FSIP2: variants seen among roughly 807,000 people sequenced by gnomAD.
FSIP2 encodes fibrous sheath interacting protein 2.
In FSIP2, 367 loss-of-function variants were observed where a neutral mutation model predicts 510.5. The observed-to-expected ratio is 0.72, with a 90% confidence interval of 0.66 to 0.78. The LOEUF (loss-of-function observed/expected upper bound fraction) is 0.78, where lower values mean the gene tolerates loss of function less well. Among genes scored for constraint, FSIP2 ranks in the 30% least tolerant of loss-of-function variants. FSIP2 has a pLI of 0.00. For missense variants in FSIP2, 7,594 were observed against 7,901.7 expected (o/e 0.96, Z 1.48); for synonymous variants, 2,601 against 2,732.2 (o/e 0.95, Z 1.50).
In FSIP2 at chr2:185,801,271, A is replaced by G. The variant is rs1232306047; in HGVS notation, c.11965A>G (p.Met3989Val). ...IISELFFNLSMSLWGKNKNIT... is the reference protein window; with the variant it reads ...IISELFFNLSVSLWGKNKNIT... ...TTCAGAATTGTTTTTTAATCTCTCT[A>G]TGTCATTGTGGGGCAAAAATAAAAA... The change falls in exon 17 of 23, where the codon ATG becomes GTG. Residue 3989 changes from methionine to valine, a missense_variant. Met to Val is a conservative substitution (Grantham distance 21). Coordinates refer to ENST00000424728, the MANE Select transcript of FSIP2 (RefSeq NM_173651.4). The G allele has an allele frequency of 6.5e-7, 1 of 1,533,734 alleles. No homozygotes were observed. Among genetic ancestry groups the G allele is most frequent in the Admixed American group, 2.0e-5 (1 of 50,818 alleles).
chr2:185,807,908 G>T lies in FSIP2; in HGVS notation c.18602G>T (p.Arg6201Ile). ...LSIFPKVHKE[R>I]TKSLETDMQK... ...ATATTTCCAAAAGTACATAAAGAAA[G>T]AACAAAATCTCTAGAGACTGATATG... The change falls in exon 17 of 23, where the codon AGA becomes ATA. Residue 6201 changes from arginine (R) to isoleucine (I), a missense_variant. Transcript: ENST00000424728. The T allele has an allele frequency of 6.2e-7, 1 of 1,601,474 alleles. No homozygotes were observed. Among genetic ancestry groups the T allele is most frequent in the East Asian group, 2.2e-5 (1 of 44,552 alleles).
Position 185,790,901 on chromosome 2 carries a change from T to C in FSIP2, c.3765T>C (p.Pro1255=). The change falls in exon 16 of 23, where the codon CCT becomes CCC. Residue 1255 remains proline, a synonymous_variant. Transcript: ENST00000424728. ...WLKSGKSEPK[P]VDDINDKIIR... ...AATCTGGAAAAAGTGAACCTAAACCTGTAGATGACATTAATGATAAGATCA... is the reference window on the plus strand; with the variant it reads ...AATCTGGAAAAAGTGAACCTAAACCCGTAGATGACATTAATGATAAGATCA... The C allele has an allele frequency of 4.6e-6, 7 of 1,529,544 alleles. No homozygotes were observed. The highest frequency in any genetic ancestry group is 2.4e-5 in the South Asian group (2 of 82,788). 94.7% of individuals were successfully genotyped at this position (1,529,544 alleles called of 1,614,324 possible).
At chr2:185,743,603 A>G (rs967538409) in intron 3 of FSIP2, among the ~76,000 whole-genome samples, 1 of 152,164 alleles carries the variant, frequency 6.6e-6, no homozygotes, top group Non-Finnish European at 1.5e-5. Flanking sequence ...CTCTGTCTTT[A>G]ATGGCACTGT....
chr2:185,781,360 G>A (rs1692845317), intron 13 of FSIP2, among the ~76,000 whole-genome samples: 1 of 152,146 alleles, frequency 6.6e-6, no homozygotes, highest in Non-Finnish European at 1.5e-5. Flanking sequence ...CAAATTTAAA[G>A]CATGCTAAGC....
chr2:185,815,437 T>G lies in FSIP2; in HGVS notation c.20392T>G (p.Ser6798Ala), dbSNP rs565004130. Residue 6798 changes from serine to alanine, a missense_variant, in exon 19 of 23, where the codon TCA (serine) becomes GCA (alanine). Ser to Ala is a moderately conservative substitution (Grantham distance 99). Transcript: ENST00000424728. ...YFIHRIMSSS[S>A]YNQEDLISST... ...CATACACAGAATTATGAGTTCATCT[T>G]CATACAACCAAGAAGATCTCATTTC... 3.3e-6 allele frequency: 5 copies of G among 1,505,100 alleles called. No individual in the cohort carries two copies. The East Asian group carries it at 1.2e-4, about 35-fold the overall frequency. 93.2% of individuals were successfully genotyped at this position (1,505,100 alleles called of 1,614,324 possible). A position where few individuals can be genotyped will look rare whatever the true frequency, so the allele number is the denominator to read the frequency against.
intron 10 of FSIP2, among the ~76,000 whole-genome samples, chr2:185,761,637 T>C (rs1240541060): frequency 1.3e-5 from 2 of 151,250 alleles, no homozygotes; most frequent in African/African-American, 2.4e-5. Context: ...ATGGATTACA[T>C]TGGATTTCTC....
rs1335451716 is a variant in FSIP2, at chr2:185,792,514, T to TAATC, written c.5386_5389dup (p.Leu1797SerfsTer11). 4 of 1,530,068 alleles carry TAATC rather than the reference T, an allele frequency of 2.6e-6. No homozygotes were observed. In the South Asian group the frequency reaches 4.8e-5, roughly 18 times the overall value. 94.8% of individuals were successfully genotyped at this position (1,530,068 alleles called of 1,614,324 possible). ...TTGAATGAAATTTTTCAAAGTACTT[T>TAATC]AATCAATCAATTAAATGTCCTTTCT... On this transcript the variant is annotated frameshift_variant, in exon 16 of 23. Transcript: ENST00000424728. LOFTEE classifies it high-confidence loss of function.
At chr2:185,810,057 G>A (rs1693692281) in intron 17 of FSIP2, among the ~76,000 whole-genome samples, 1 of 152,010 alleles carries the variant, frequency 6.6e-6, no homozygotes, top group African/African-American at 2.4e-5. Flanking sequence ...CGGACAATTA[G>A]CAAAGTTTTA....
intron 19 of FSIP2, among the ~76,000 whole-genome samples, chr2:185,821,007 G>GT (rs1693906161): frequency 6.2e-5 from 3 of 48,460 alleles, no homozygotes; most frequent in African/African-American, 2.4e-4. Context: ...GAGTTGGTTC[G>GT]TTAAAAAAAA....
At chr2:185,746,885 T>C in intron 6 of FSIP2, 75 bp downstream of exon 6, 2 of 1,036,286 alleles carry the variant, frequency 1.9e-6, no homozygotes, top group Non-Finnish European at 2.7e-6. Flanking sequence ...ATTTTAACTG[T>C]ACATTGTGCT....
intron 8 of FSIP2, among the ~76,000 whole-genome samples, chr2:185,754,514 A>G: frequency 6.6e-6 from 1 of 151,512 alleles, no homozygotes; most frequent in Non-Finnish European, 1.5e-5. Context: ...TCACTCCAGT[A>G]GATTACCAAC....
chr2:185,741,658 G>T (rs1034021271), intron 2 of FSIP2, among the ~76,000 whole-genome samples: 2 of 152,106 alleles, frequency 1.3e-5, no homozygotes, highest in African/African-American at 4.8e-5. Context: ...TCCCCTTTAC[G>T]AGTTCTTTCT....
Position 185,793,708 on chromosome 2 carries a change from A to T in FSIP2, c.6572A>T (p.Asp2191Val), listed in dbSNP as rs973605140. ...TSARLPLTFC[D>V]TFPKIDCQQP... Reference sequence around the variant, plus strand: ...GCAAGATTGCCCCTGACATTTTGTGATACGTTTCCAAAAATAGACTGTCAA... The same window carrying T: ...GCAAGATTGCCCCTGACATTTTGTGTTACGTTTCCAAAAATAGACTGTCAA... Residue 2191 changes from aspartate to valine, a missense_variant, in exon 16 of 23, where the codon GAT (aspartate) becomes GTT (valine). Transcript: ENST00000424728. 297 of 1,534,654 alleles carry T rather than the reference A, an allele frequency of 1.9e-4. 1 individual carries two copies. The highest frequency in any genetic ancestry group is 2.5e-4 in the Non-Finnish European group (282 of 1,145,890).
chr2:185,743,714 T>TA (rs1691970754), intron 3 of FSIP2, among the ~76,000 whole-genome samples: 1 of 152,196 alleles, frequency 6.6e-6, no homozygotes, highest in Non-Finnish European at 1.5e-5. Flanking sequence ...AGTATATTCT[T>TA]ATTGGAGTCG....
In FSIP2 at chr2:185,751,461, CTGTG is replaced by C. The variant is rs56395901; in HGVS notation, c.871-2226_871-2223del. Among the ~76,000 whole-genome samples the C allele has an allele frequency of 1.6e-3, 219 of 135,870 alleles. 2 individuals are homozygous for C. The highest frequency in any genetic ancestry group is 4.6e-3 in the African/African-American group (170 of 36,946). The allele number at this position is 135,870 out of a possible 152,430, so 89.1% of individuals were successfully genotyped here. Reference sequence around the variant, plus strand: ...AGACCAAATTTGGGTCTTTATTTTTCTGTGTGTGTGTGTGTGTGTGTGTGTGTGT... The same window carrying C: ...AGACCAAATTTGGGTCTTTATTTTTCTGTGTGTGTGTGTGTGTGTGTGTGT... On this transcript the variant is annotated intron_variant, in intron 7 of 22. Coordinates refer to ENST00000424728, the MANE Select transcript of FSIP2 (RefSeq NM_173651.4).
rs114498031 is a variant in FSIP2, at chr2:185,756,298, A to T, written c.1078+20A>T. The T allele has an allele frequency of 5.7e-3, 5,225 of 914,908 alleles. 21 individuals carry two copies. The highest frequency in any genetic ancestry group is 7.6e-3 in the Non-Finnish European group (4,800 of 628,318). The allele number at this position is 914,908 out of a possible 1,614,324, so 56.7% of individuals were successfully genotyped here. A position where few individuals can be genotyped will look rare whatever the true frequency, so the allele number is the denominator to read the frequency against. On this transcript the variant is annotated intron_variant, in intron 9 of 22. Transcript: ENST00000424728. Reference sequence around the variant, plus strand: ...CACATGGTAATTGAATATTGTGACAAGAAACACTAGATACTAAACAATAAT... The same window carrying T: ...CACATGGTAATTGAATATTGTGACATGAAACACTAGATACTAAACAATAAT...
Position 185,795,328 on chromosome 2 carries a change from C to G in FSIP2, c.8192C>G (p.Pro2731Arg). 6.5e-7 allele frequency: 1 copy of G among 1,534,780 alleles called. No individual in the cohort carries two copies. Reference protein sequence around the residue: ...DAKNLLDTKLPTSELKIYAKD... With the variant: ...DAKNLLDTKLRTSELKIYAKD... ...AAAAATTTACTGGACACAAAATTGC[C>G]CACTTCAGAACTAAAAATATATGCC... Residue 2731 changes from proline to arginine, a missense_variant, in exon 16 of 23, where the codon CCC becomes CGC. Coordinates refer to ENST00000424728, the MANE Select transcript of FSIP2 (RefSeq NM_173651.4).
At chr2:185,780,589 T>C (rs1211670316) in intron 13 of FSIP2, among the ~76,000 whole-genome samples, 1 of 151,916 alleles carries the variant, frequency 6.6e-6, no homozygotes, top group Non-Finnish European at 1.5e-5. Context: ...TTTAAACATA[T>C]AAAGTCCTCT....
intron 1 of FSIP2, 125 bp from the exon 2 acceptor site, chr2:185,739,221 C>A (rs982582534): frequency 1.6e-5 from 19 of 1,202,438 alleles, no homozygotes; most frequent in Non-Finnish European, 1.9e-5. Context: ...GGGAGGACTT[C>A]AGGATGCCCC....
Sources: allele counts gnomAD v4.1 joint callset (sites outside exome capture counted in the v4.1 genomes callset), GRCh38; gene constraint gnomAD v4.1.1; transcripts MANE v1.5; gene names NCBI Gene and HGNC (gene_info 2026-07-23, HGNC 2026-07-21).